CFAP410: variants seen among roughly 807,000 people sequenced by gnomAD.
CFAP410 encodes the protein cilia and flagella associated protein 410.
Under a neutral mutation model 25.7 loss-of-function variants are expected in CFAP410, and 27 were observed. The observed-to-expected ratio is 1.05, with a 90% CI of 0.77 to 1.45. CFAP410 has a LOEUF of 1.45. CFAP410 is among the 40% of genes most tolerant of loss of function. The probability of loss-of-function intolerance (pLI) is 0.00; values close to 1 mark genes in which losing one functional copy is unlikely to be tolerated. For missense variants in CFAP410, 428 were observed against 354.1 expected (o/e 1.21, Z -1.67); for synonymous variants, 178 against 158.4 (o/e 1.12, Z -0.93).
intron 4 of CFAP410, 134 bp downstream of exon 4, chr21:44,332,899 G>A (rs2047677861): frequency 1.5e-6 from 1 of 655,280 alleles, no homozygotes; most frequent in South Asian, 1.9e-5. Flanking sequence ...AGCCTCTGGA[G>A]GAGACTTCAC....
intron 1 of CFAP410, 80 bp from the exon 2 acceptor site, chr21:44,337,747 C>T (rs905837731): frequency 1.3e-5 from 15 of 1,176,324 alleles, no homozygotes; most frequent in Non-Finnish European, 1.6e-5. Flanking sequence ...CAAAAATCAC[C>T]GATGACTCCC....
intron 1 of CFAP410, chr21:44,338,716 G>A (rs975506617): frequency 2.1e-5 from 2 of 95,538 alleles, no homozygotes; most frequent in African/African-American, 9.4e-5. Context: ...CCTCACCCGC[G>A]GCTCCTTCGC....
chr21:44,331,181 G>C lies in CFAP410; in HGVS notation c.546-262C>G, dbSNP rs554477823. The C allele has an allele frequency of 1.8e-4, 98 of 548,494 alleles. No individual in the cohort carries two copies. The East Asian group carries it at 2.9e-3, about 16-fold the overall frequency. The allele number at this position is 548,494 out of a possible 1,614,324, so 34.0% of individuals were successfully genotyped here. On this transcript the variant is annotated intron_variant, in intron 5 of 6. Transcript: ENST00000339818. Reference sequence around the variant, plus strand: ...CCCCAGCTGTAACACCTTCCACCCAGGGCTTCAGGGGCAGGGTGGGGGGCA... The same window carrying C: ...CCCCAGCTGTAACACCTTCCACCCACGGCTTCAGGGGCAGGGTGGGGGGCA...
At chr21:44,332,916 C>T (rs2146067246) in intron 4 of CFAP410, 117 bp downstream of exon 4, 1 of 718,308 alleles carries the variant, frequency 1.4e-6, no homozygotes, top group Non-Finnish European at 2.4e-6. Flanking sequence ...TCACAGGACA[C>T]ATCTATGTCC....
chr21:44,332,053 A>G (rs775483146), intron 4 of CFAP410, 39 bp from the exon 5 acceptor site: 1 of 1,544,456 alleles, frequency 6.5e-7, no homozygotes, highest in Non-Finnish European at 8.8e-7. Context: ...GAGTGGCCTC[A>G]CCCACGTGCA....
At chr21:44,331,014 A>C (rs1321104822) in intron 5 of CFAP410, 95 bp from the exon 6 acceptor site, 5 of 1,148,586 alleles carry the variant, frequency 4.4e-6, no homozygotes, top group Non-Finnish European at 6.1e-6. Context: ...CAAGCAAAGG[A>C]GGGGCTCATA....
At chr21:44,337,540 T>G in intron 2 of CFAP410, 109 bp downstream of exon 2, 1 of 906,232 alleles carries the variant, frequency 1.1e-6, no homozygotes, top group Non-Finnish European at 1.8e-6. Flanking sequence ...AATTGATAGG[T>G]GCAGTTTTGT....
intron 5 of CFAP410, chr21:44,331,516 G>C (rs1425610365): frequency 2.7e-6 from 1 of 371,210 alleles, no homozygotes; most frequent in Non-Finnish European, 4.9e-6. Context: ...TGTGGCCCTA[G>C]GCCACCCCCC....
chr21:44,337,731 A>C (rs1325768941), intron 1 of CFAP410, 64 bp from the exon 2 acceptor site: 1 of 1,426,200 alleles, frequency 7.0e-7, no homozygotes, highest in Non-Finnish European at 9.8e-7. Flanking sequence ...CTGAAGACAA[A>C]AATTCCAAAA....
chr21:44,332,710 A>T, intron 4 of CFAP410: 2 of 367,806 alleles, frequency 5.4e-6, no homozygotes, highest in South Asian at 6.0e-5. Flanking sequence ...GCCATGGCGC[A>T]TGGCGATGGT....
chr21:44,330,724 C>A (rs1472894349), intron 6 of CFAP410, 99 bp downstream of exon 6: 4 of 1,549,258 alleles, frequency 2.6e-6, no homozygotes, highest in African/African-American at 1.4e-5. Flanking sequence ...GCTCCCTCCC[C>A]ACGGGGCCCT....
chr21:44,338,037 G>A (rs548552818), intron 1 of CFAP410, among the ~76,000 whole-genome samples: 3 of 152,204 alleles, frequency 2.0e-5, no homozygotes, highest in Non-Finnish European at 2.9e-5. Context: ...TTCAAAGGGT[G>A]AACAGGCAAC....
chr21:44,332,171 C>G (rs557129253), intron 4 of CFAP410, 157 bp from the exon 5 acceptor site: 28 of 589,568 alleles, frequency 4.7e-5, no homozygotes, highest in African/African-American at 3.7e-4. Flanking sequence ...GAGTAGCAGC[C>G]GGTTCCTCAC....
intron 2 of CFAP410, among the ~76,000 whole-genome samples, chr21:44,337,290 G>A (rs901982880): frequency 6.6e-6 from 1 of 152,202 alleles, no homozygotes; most frequent in Non-Finnish European, 1.5e-5. Context: ...AGAAGAGGGG[G>A]TGTAGACCTT....
intron 3 of CFAP410, chr21:44,335,490 C>A: frequency 1.8e-6 from 1 of 557,592 alleles, no homozygotes; most frequent in Non-Finnish European, 3.2e-6. Flanking sequence ...AGCACACAGG[C>A]CAAGGGTGGG....
Position 44,337,637 on chromosome 21 carries a change from G to C in CFAP410, c.96+12C>G, listed in dbSNP as rs759722433. The C allele has an allele frequency of 2.5e-6, 4 of 1,610,944 alleles. No individual in the cohort carries two copies. In the South Asian group the frequency reaches 4.4e-5, roughly 18 times the overall value. On this transcript the variant is annotated intron_variant, in intron 2 of 6. Coordinates refer to ENST00000339818, the MANE Select transcript of CFAP410 (RefSeq NM_004928.3). ...ATCAGTGCAATACTTACATCTGTGA[G>C]GCAATACTTACATCTGTGAGGCGGC...
chr21:44,329,832 G>A lies in CFAP410; in HGVS notation c.*366C>T, dbSNP rs928982772. ...AGACCTCCTCATTCTGTGGAGAAAC[G>A]GCCCTTGCTTTCAGGAAGACTGTCA... On this transcript the variant is annotated 3_prime_UTR_variant, in exon 7 of 7. Transcript: ENST00000339818. The A allele has an allele frequency of 4.4e-5, 10 of 225,396 alleles. No homozygotes were observed. The highest frequency in any genetic ancestry group is 1.2e-4 in the African/African-American group (5 of 43,236). 14.0% of individuals were successfully genotyped at this position (225,396 alleles called of 1,614,324 possible). A position where few individuals can be genotyped will look rare whatever the true frequency, so the allele number is the denominator to read the frequency against.
At position 44,334,517 on chromosome 21, in the gene CFAP410, ACCCCCC is replaced by A. The variant is rs199672243; in HGVS notation, c.143+1235_143+1240del. On this transcript the variant is annotated intron_variant, in intron 3 of 6. Transcript: ENST00000339818. ...CCTCAACCTCTGGGCGGGCACGCGCACCCCCCCCCCCCCCCCGCTCAACCTCTGGGC... is the reference window on the plus strand; with the variant it reads ...CCTCAACCTCTGGGCGGGCACGCGCACCCCCCCCCCGCTCAACCTCTGGGC... 23 of 72,520 alleles carry A rather than the reference ACCCCCC, an allele frequency of 3.2e-4. 2 individuals are homozygous for A. Among genetic ancestry groups the A allele is most frequent in the African/African-American group, 8.9e-4 (13 of 14,560 alleles). The allele number at this position is 72,520 out of a possible 1,614,324, so 4.5% of individuals were successfully genotyped here.
At position 44,329,798 on chromosome 21, in the gene CFAP410, C is replaced by A; in HGVS notation, c.*400G>T. On this transcript the variant is annotated 3_prime_UTR_variant, in exon 7 of 7. Transcript: ENST00000339818. ...GACCAAGGGCTGGAATCGGCAAAGC[C>A]ATCCGTGAAGACCTCCTCATTCTGT... 5.3e-6 allele frequency: 1 copy of A among 188,860 alleles called. No homozygotes were observed. Among genetic ancestry groups the A allele is most frequent in the Non-Finnish European group, 1.1e-5 (1 of 91,078 alleles). The allele number at this position is 188,860 out of a possible 1,614,324, so 11.7% of individuals were successfully genotyped here. A position where few individuals can be genotyped will look rare whatever the true frequency, so the allele number is the denominator to read the frequency against.
Sources: gnomAD v4.1 joint callset for allele counts (sites outside exome capture counted in the v4.1 genomes callset) on GRCh38, gnomAD v4.1.1 for gene constraint, MANE v1.5 for transcripts, NCBI Gene and HGNC (gene_info 2026-07-23, HGNC 2026-07-21) for gene names.